The following GALNT1 variants were observed in gnomAD, a reference collection of about 807,000 sequenced individuals.
The protein encoded by GALNT1 is polypeptide N-acetylgalactosaminyltransferase 1, also known as GalNAc transferase 1.
GALNT1 carries 17 observed loss-of-function variants against 65.7 expected under a neutral mutation model. The observed-to-expected ratio is 0.26, with a 90% CI of 0.18 to 0.39. GALNT1 has a LOEUF of 0.39. Ranked by LOEUF, GALNT1 falls within the 10% of genes least tolerant of loss-of-function variation. The pLI is 1.00. For synonymous variants in GALNT1, 210 were observed against 219.7 expected, an observed-to-expected ratio of 0.96 and a Z score of 0.39; for missense variants, 460 against 672.8, an observed-to-expected ratio of 0.68 and a Z score of 3.50.
At chr18:35,601,263 T>C (rs2046578509) in intron 1 of GALNT1, among the ~76,000 whole-genome samples, 1 of 152,092 alleles carries the variant, frequency 6.6e-6, no homozygotes, top group Non-Finnish European at 1.5e-5. Flanking sequence ...TGATCCTCTG[T>C]ATTTCTATGG....
intron 10 of GALNT1, 129 bp downstream of exon 10, chr18:35,703,124 G>T: frequency 1.8e-6 from 1 of 560,842 alleles, no homozygotes; most frequent in Non-Finnish European, 3.1e-6. Context: ...AAGACTTTTA[G>T]GTGAAGGAAG....
At chr18:35,664,753 A>G (rs1264637048) in intron 3 of GALNT1, among the ~76,000 whole-genome samples, 1 of 152,242 alleles carries the variant, frequency 6.6e-6, no homozygotes, top group Non-Finnish European at 1.5e-5. Context: ...AGCAAACTAT[A>G]CAGAAAATAG....
intron 2 of GALNT1, among the ~76,000 whole-genome samples, chr18:35,658,812 C>T (rs1373066050): frequency 3.3e-5 from 5 of 151,494 alleles, no homozygotes; most frequent in African/African-American, 9.7e-5. Flanking sequence ...TGGGTTCAAG[C>T]GATTCTCCTG....
At chr18:35,623,244 A>G (rs1157525436) in intron 1 of GALNT1, among the ~76,000 whole-genome samples, 1 of 151,880 alleles carries the variant, frequency 6.6e-6, no homozygotes, top group Admixed American at 6.6e-5. Context: ...TTGTTTTGAC[A>G]TTTCTTTACT....
chr18:35,612,815 A>G (rs922353348), intron 1 of GALNT1, among the ~76,000 whole-genome samples: 19 of 152,030 alleles, frequency 1.2e-4, no homozygotes, highest in African/African-American at 4.6e-4. Flanking sequence ...CAGTGAGCTA[A>G]TATCGCACCA....
intron 3 of GALNT1, among the ~76,000 whole-genome samples, chr18:35,665,587 AG>A (rs1555648198): frequency 6.6e-6 from 1 of 152,108 alleles, no homozygotes; most frequent in African/African-American, 2.4e-5. Flanking sequence ...TTCAACCCCC[AG>A]GGGGGAAAAA....
At chr18:35,600,143 A>G (rs751142517) in intron 1 of GALNT1, among the ~76,000 whole-genome samples, 2 of 152,152 alleles carry the variant, frequency 1.3e-5, no homozygotes, top group Non-Finnish European at 2.9e-5. Context: ...AGTTATTCCA[A>G]TTCATGAGCA....
chr18:35,656,409 C>T (rs2047386548), intron 2 of GALNT1, among the ~76,000 whole-genome samples: 1 of 152,130 alleles, frequency 6.6e-6, no homozygotes. Flanking sequence ...TAAATATCAG[C>T]GTAATAAATA....
chr18:35,696,457 A>G (rs1313010200), intron 9 of GALNT1, among the ~76,000 whole-genome samples: 1 of 152,258 alleles, frequency 6.6e-6, no homozygotes, highest in African/African-American at 2.4e-5. Flanking sequence ...TAGTTCCTGT[A>G]GGACCTGAAC....
At chr18:35,633,585 C>T (rs1226137264) in intron 1 of GALNT1, among the ~76,000 whole-genome samples, 2 of 151,842 alleles carry the variant, frequency 1.3e-5, no homozygotes, top group African/African-American at 2.4e-5. Context: ...AGGAGATACA[C>T]CTAATATAAG....
At chr18:35,619,995 GTGTT>G (rs1462725668) in intron 1 of GALNT1, among the ~76,000 whole-genome samples, 1 of 152,194 alleles carries the variant, frequency 6.6e-6, no homozygotes, top group Admixed American at 6.5e-5. Context: ...ATTTCCTTCT[GTGTT>G]TGTTAGCATT....
At chr18:35,691,778 CT>C (rs1419683785) in intron 8 of GALNT1, among the ~76,000 whole-genome samples, 1 of 152,158 alleles carries the variant, frequency 6.6e-6, no homozygotes, top group African/African-American at 2.4e-5. Flanking sequence ...CTAGTCCATC[CT>C]TATTTTTTAG....
chr18:35,657,106 T>A (rs1403289407), intron 2 of GALNT1, among the ~76,000 whole-genome samples: 1 of 152,092 alleles, frequency 6.6e-6, no homozygotes, highest in African/African-American at 2.4e-5. Flanking sequence ...ATTTATTTAT[T>A]CATGAATGAG....
chr18:35,596,301 A>G (rs1217018892), intron 1 of GALNT1: 2 of 152,232 alleles, frequency 1.3e-5, no homozygotes, highest in Non-Finnish European at 2.9e-5. Flanking sequence ...CTAGGAGGCT[A>G]TGGTAATAAT....
chr18:35,669,892 T>C (rs2144513725), intron 3 of GALNT1, among the ~76,000 whole-genome samples: 1 of 152,332 alleles, frequency 6.6e-6, no homozygotes, highest in East Asian at 1.9e-4. Context: ...GAATTAAAAT[T>C]TATTAAAATT....
chr18:35,640,926 CATT>C (rs759513642), intron 1 of GALNT1, among the ~76,000 whole-genome samples: 2 of 152,114 alleles, frequency 1.3e-5, no homozygotes, highest in Non-Finnish European at 2.9e-5. Flanking sequence ...GATATTAAAA[CATT>C]ATAATGATTT....
At chr18:35,609,018 T>C (rs1568015089) in intron 1 of GALNT1, among the ~76,000 whole-genome samples, 1 of 152,212 alleles carries the variant, frequency 6.6e-6, no homozygotes, top group African/African-American at 2.4e-5. Context: ...CACATATGTA[T>C]AATGCTTTAT....
Position 35,683,454 on chromosome 18 carries a change from G to T in GALNT1, c.545G>T (p.Arg182Leu), listed in dbSNP as rs778080822. ...KKLKVPVHVI[R>L]MEQRSGLIRA... Reference sequence around the variant, plus strand: ...CTAAAAGTACCAGTTCATGTAATTCGAATGGAACAACGTTCTGGATTGATC... The same window carrying T: ...CTAAAAGTACCAGTTCATGTAATTCTAATGGAACAACGTTCTGGATTGATC... Residue 182 changes from arginine (R) to leucine (L), a missense_variant, in exon 5 of 12, where the codon CGA becomes CTA. By Grantham distance (102) the Arg-to-Leu change is moderately radical (BLOSUM62 -2). Transcript: ENST00000269195. 5 of 1,613,644 alleles carry T rather than the reference G, an allele frequency of 3.1e-6. No homozygotes were observed. The highest frequency in any genetic ancestry group is 4.2e-6 in the Non-Finnish European group (5 of 1,179,846).
At chr18:35,618,137 C>T (rs918685847) in intron 1 of GALNT1, among the ~76,000 whole-genome samples, 1 of 150,698 alleles carries the variant, frequency 6.6e-6, no homozygotes, top group Non-Finnish European at 1.5e-5. Flanking sequence ...TCTGATTTTT[C>T]TTGTGCAATG....
Sources: gnomAD v4.1 joint callset for allele counts (sites outside exome capture counted in the v4.1 genomes callset) on GRCh38, gnomAD v4.1.1 for gene constraint, MANE v1.5 for transcripts, NCBI Gene and HGNC (gene_info 2026-07-23, HGNC 2026-07-21) for gene names.